The following PDE4D variants were observed in gnomAD, a reference collection of about 807,000 sequenced individuals.
The protein encoded by PDE4D is phosphodiesterase 4D.
Under a neutral mutation model 87.4 loss-of-function variants are expected in PDE4D, and 24 were observed. The observed-to-expected ratio is 0.27, with a 90% confidence interval of 0.20 to 0.39. PDE4D has a LOEUF of 0.39. Ranked by LOEUF, PDE4D falls within the 10% of genes least tolerant of loss-of-function variation. The pLI is 1.00. For synonymous variants in PDE4D, 384 were observed against 383.2 expected (o/e 1.00, Z -0.02); for missense variants, 714 against 1,041.0 (o/e 0.69, Z 4.32).
At chr5:59,499,330 C>T (rs1339077155) in intron 1 of PDE4D, among the ~76,000 whole-genome samples, 1 of 122,860 alleles carries the variant, frequency 8.1e-6, no homozygotes, top group East Asian at 2.3e-4. Context: ...CTGAAATTAA[C>T]AACCTAAAAT....
chr5:59,393,371 AG>A (rs1415463098), intron 1 of PDE4D, among the ~76,000 whole-genome samples: 1 of 152,240 alleles, frequency 6.6e-6, no homozygotes, highest in Non-Finnish European at 1.5e-5. Flanking sequence ...GGGCAAAAAT[AG>A]GGGATAAAAG....
chr5:59,834,469 C>T (rs1741705474), intron 1 of PDE4D, among the ~76,000 whole-genome samples: 1 of 151,934 alleles, frequency 6.6e-6, no homozygotes, highest in African/African-American at 2.4e-5. Context: ...GTACAGGGAA[C>T]CATTTAAAAT....
chr5:58,978,498 C>T lies in PDE4D; in HGVS notation c.1553-1153G>A, dbSNP rs144063854. Among the ~76,000 whole-genome samples the T allele has an allele frequency of 3.6e-4, 55 of 151,910 alleles. No homozygotes were observed. In the East Asian group the frequency reaches 7.1e-3, roughly 20 times the overall value. ...TAACGAATGCATAGAAAATATATAA[C>T]GAATGCATAGAAAATATATTTGGAA... On this transcript the variant is annotated intron_variant, in intron 11 of 14. Coordinates refer to ENST00000340635, the MANE Select transcript of PDE4D (RefSeq NM_001104631.2).
intron 1 of PDE4D, among the ~76,000 whole-genome samples, chr5:59,600,555 C>T (rs895673349): frequency 5.3e-5 from 8 of 152,150 alleles, no homozygotes; most frequent in Non-Finnish European, 1.0e-4. Context: ...AAGTTGGGGG[C>T]TCCAGACTTG....
intron 1 of PDE4D, among the ~76,000 whole-genome samples, chr5:59,608,680 G>C (rs1828558651): frequency 6.6e-6 from 1 of 152,140 alleles, no homozygotes; most frequent in African/African-American, 2.4e-5. Context: ...ATAAGAGTAA[G>C]TAGCCTTCTT....
At chr5:59,463,821 T>A (rs929499697) in intron 1 of PDE4D, among the ~76,000 whole-genome samples, 2 of 152,200 alleles carry the variant, frequency 1.3e-5, no homozygotes, top group African/African-American at 2.4e-5. Context: ...ATTGTCACTG[T>A]GTCTGTGTAG....
intron 1 of PDE4D, among the ~76,000 whole-genome samples, chr5:59,828,302 T>C (rs972755499): frequency 7.2e-5 from 11 of 152,100 alleles, no homozygotes; most frequent in Non-Finnish European, 1.2e-4. Context: ...AGATATATGT[T>C]ATAGAAAATA....
chr5:60,041,361 G>A (rs76732015), intron 2 of PDE4D, among the ~76,000 whole-genome samples: 7,120 of 152,194 alleles, frequency 0.047, 224 homozygotes, highest in Middle Eastern at 0.11. Context: ...CCTCTGAGAC[G>A]AAGCCACACA....
At chr5:59,268,707 T>C (rs548479218) in intron 1 of PDE4D, among the ~76,000 whole-genome samples, 1 of 152,210 alleles carries the variant, frequency 6.6e-6, no homozygotes, top group East Asian at 1.9e-4. Flanking sequence ...CTAGCTAATA[T>C]CCCTCAGGCC....
At chr5:59,175,638 G>A (rs932379225) in intron 5 of PDE4D, among the ~76,000 whole-genome samples, 2 of 151,472 alleles carry the variant, frequency 1.3e-5, no homozygotes, top group African/African-American at 2.4e-5. Context: ...CTGCCACCAC[G>A]CCTGGCTAAT....
At chr5:59,635,716 G>A (rs1474132824) in intron 1 of PDE4D, among the ~76,000 whole-genome samples, 2 of 151,490 alleles carry the variant, frequency 1.3e-5, no homozygotes, top group South Asian at 4.2e-4. Context: ...CACTCAATAG[G>A]TATTGATGTA....
At chr5:59,968,162 T>G (rs1199532607) in intron 3 of PDE4D, among the ~76,000 whole-genome samples, 3 of 151,912 alleles carry the variant, frequency 2.0e-5, no homozygotes, top group Non-Finnish European at 4.4e-5. Flanking sequence ...TTTTGTAGTT[T>G]TAGTAGAGAC....
At chr5:59,088,879 AC>A (rs1768193078) in intron 5 of PDE4D, among the ~76,000 whole-genome samples, 1 of 152,122 alleles carries the variant, frequency 6.6e-6, no homozygotes, top group Non-Finnish European at 1.5e-5. Flanking sequence ...TGTACTACAA[AC>A]CCCATGACAC....
At chr5:59,037,989 T>A (rs1758849055) in intron 6 of PDE4D, among the ~76,000 whole-genome samples, 1 of 152,234 alleles carries the variant, frequency 6.6e-6, no homozygotes, top group South Asian at 2.1e-4. Context: ...TACCAGTCCT[T>A]ACTGGCTGAA....
In PDE4D at chr5:58,975,705, C is replaced by T; in HGVS notation, c.1965G>A (p.Glu655=). 2 of 1,613,134 alleles carry T rather than the reference C, an allele frequency of 1.2e-6. No individual in the cohort carries two copies. Among genetic ancestry groups the T allele is most frequent in the Non-Finnish European group, 1.7e-6 (2 of 1,179,408 alleles). ...QGDRERERGM[E]ISPMCDKHNA... is the part of the protein sequence containing the mutation. ...TGTGCTTGTCACACATGGGGCTTAT[C>T]TCCATGCCACGTTCCCTCTCTCGGT... Residue 655 remains glutamate (E), a synonymous_variant, in exon 14 of 15, where the codon GAG becomes GAA. Coordinates refer to ENST00000340635, the MANE Select transcript of PDE4D (RefSeq NM_001104631.2). This position sits in a 1 kb window ranked among gnomAD's most constrained non-coding sequence, Gnocchi z 4.2.
chr5:59,673,537 T>A (rs1053667545), intron 1 of PDE4D, among the ~76,000 whole-genome samples: 2 of 152,204 alleles, frequency 1.3e-5, no homozygotes, highest in Admixed American at 6.5e-5. Context: ...CAAAACCTTA[T>A]GGGAAATACA....
intron 1 of PDE4D, among the ~76,000 whole-genome samples, chr5:59,224,935 G>A (rs2153513426): frequency 6.6e-6 from 1 of 152,272 alleles, no homozygotes; most frequent in South Asian, 2.1e-4. Flanking sequence ...CCAGTCTAGG[G>A]TACTTTGTTA....
At chr5:59,032,661 TTA>T (rs1757778981) in intron 6 of PDE4D, among the ~76,000 whole-genome samples, 1 of 152,258 alleles carries the variant, frequency 6.6e-6, no homozygotes, top group African/African-American at 2.4e-5. Context: ...CTAAGAAATA[TTA>T]TGTTTTTACA....
intron 5 of PDE4D, among the ~76,000 whole-genome samples, chr5:59,091,903 A>G (rs1768815886): frequency 6.6e-6 from 1 of 152,162 alleles, no homozygotes. Context: ...TGCTGATGAA[A>G]ATCACCAGGT....
Sources: allele counts gnomAD v4.1 joint callset (sites outside exome capture counted in the v4.1 genomes callset), GRCh38; gene constraint gnomAD v4.1.1; non-coding constraint Gnocchi (gnomAD v3.1); transcripts MANE v1.5; gene names NCBI Gene and HGNC (gene_info 2026-07-23, HGNC 2026-07-21).